The following RYR2 variants were observed in gnomAD, a reference collection of about 807,000 sequenced individuals.
The protein encoded by RYR2 is ryanodine receptor 2.
Under a neutral mutation model 601.1 loss-of-function variants are expected in RYR2, and 227 were observed. The ratio of observed to expected loss-of-function variants is 0.38; its 90% CI spans 0.34 to 0.42. The LOEUF is 0.42. RYR2 is among the 10% of genes least tolerant of loss of function. The pLI, the probability that RYR2 is intolerant of heterozygous loss-of-function variation, is 1.00. For missense variants in RYR2, 4,646 were observed against 6,156.5 expected (o/e 0.75, Z 8.21); for synonymous variants, 2,223 against 2,175.1 (o/e 1.02, Z -0.61).
Position 237,707,133 on chromosome 1 carries a change from G to C in RYR2, c.9765G>C (p.Glu3255Asp), listed in dbSNP as rs1558259322. ...CTCGTTGGTGGGAGCATGGACCTGA[G>C]AACAATCCAGAACGGGCCGAGATGT... ...YMSRWWEHGPENNPERAEMCC... is the reference protein window; with the variant it reads ...YMSRWWEHGPDNNPERAEMCC... Residue 3255 changes from glutamate (E) to aspartate (D), a missense_variant, in exon 68 of 105, where the codon GAG becomes GAC. Physicochemically the swap from Glu to Asp is conservative, Grantham distance 45. This residue lies in a region of RYR2 where 1,497 missense variants were observed against 1,842.6 expected (regional missense o/e 0.81). Coordinates refer to ENST00000366574, the MANE Select transcript of RYR2 (RefSeq NM_001035.3). 15 of 1,613,850 alleles carry C rather than the reference G, an allele frequency of 9.3e-6. No individual in the cohort carries two copies. The highest frequency in any genetic ancestry group is 1.3e-5 in the Non-Finnish European group (15 of 1,179,872).
chr1:237,791,015 C>G (rs1017152211), intron 92 of RYR2, among the ~76,000 whole-genome samples: 4 of 152,136 alleles, frequency 2.6e-5, no homozygotes, highest in Non-Finnish European at 5.9e-5. Flanking sequence ...TGTTGCTCCT[C>G]TCTTTGACAC....
intron 28 of RYR2, among the ~76,000 whole-genome samples, chr1:237,567,597 A>T (rs1672224042): frequency 6.6e-6 from 1 of 152,038 alleles, no homozygotes; most frequent in Admixed American, 6.6e-5. Flanking sequence ...CTCAAAACAA[A>T]CAAAAAAATA....
intron 2 of RYR2, among the ~76,000 whole-genome samples, chr1:237,295,120 A>G (rs895881868): frequency 1.3e-5 from 2 of 152,150 alleles, no homozygotes; most frequent in African/African-American, 2.4e-5. Flanking sequence ...GGAGGCTTAT[A>G]TGAGAGGATC....
At chr1:237,413,810 T>C (rs988554113) in intron 10 of RYR2, among the ~76,000 whole-genome samples, 2 of 152,140 alleles carry the variant, frequency 1.3e-5, no homozygotes, top group Non-Finnish European at 1.5e-5. Flanking sequence ...TCTCTATATG[T>C]CTTCAGGCAA....
intron 11 of RYR2, among the ~76,000 whole-genome samples, chr1:237,418,915 A>C (rs1231205735): frequency 1.3e-5 from 2 of 152,032 alleles, no homozygotes; most frequent in Non-Finnish European, 2.9e-5. Flanking sequence ...TTTATTGGAA[A>C]TGCATATCAT....
At chr1:237,377,034 T>A (rs565113974) in intron 7 of RYR2, among the ~76,000 whole-genome samples, 3 of 152,288 alleles carry the variant, frequency 2.0e-5, no homozygotes, top group African/African-American at 7.2e-5. Context: ...ATCAGATCAG[T>A]GTGAGTGGTG....
At position 237,425,076 on chromosome 1, in the gene RYR2, A is replaced by G. The variant is rs371799324; in HGVS notation, c.1005+1828A>G. ...AGAGTGATAATTGTAACAAAATTAA[A>G]AGTAGTTATTTACAACTACTTAAAA... On this transcript the variant is annotated intron_variant, in intron 12 of 104. Coordinates refer to ENST00000366574, the MANE Select transcript of RYR2 (RefSeq NM_001035.3). Among the ~76,000 whole-genome samples the G allele has an allele frequency of 2.0e-5, 3 of 152,364 alleles. No homozygotes were observed. In the South Asian group the frequency reaches 6.2e-4, roughly 32 times the overall value.
chr1:237,403,792 A>G (rs1703607738), intron 10 of RYR2, among the ~76,000 whole-genome samples: 1 of 152,210 alleles, frequency 6.6e-6, no homozygotes, highest in Non-Finnish European at 1.5e-5. Context: ...GGAAATACCA[A>G]AAAGAGTTTC....
chr1:237,748,150 A>G (rs530320661), intron 80 of RYR2, among the ~76,000 whole-genome samples: 5 of 152,244 alleles, frequency 3.3e-5, no homozygotes, highest in South Asian at 4.2e-4. Flanking sequence ...AGAGTTAGGG[A>G]AATAGAGAAA....
chr1:237,759,997 T>C (rs1199117626), intron 83 of RYR2, 145 bp downstream of exon 83: 2 of 641,760 alleles, frequency 3.1e-6, no homozygotes, highest in Non-Finnish European at 2.8e-6. Context: ...CAGTGTCTTG[T>C]TTTCTATCTT....
chr1:237,795,873 T>TATGTATATGTATATATATATATAC (rs140571706), intron 96 of RYR2, among the ~76,000 whole-genome samples: 1 of 140,910 alleles, frequency 7.1e-6, no homozygotes, highest in Non-Finnish European at 1.5e-5. Flanking sequence ...TATATATATA[T>TATGTATATGTATATATATATATAC]ACACATATAT....
At chr1:237,354,486 G>A (rs1479363181) in intron 3 of RYR2, among the ~76,000 whole-genome samples, 2 of 151,870 alleles carry the variant, frequency 1.3e-5, no homozygotes, top group East Asian at 1.9e-4. Flanking sequence ...CAAAAATATG[G>A]CATATTCTAT....
chr1:237,611,533 T>C (rs1407826101), intron 36 of RYR2, among the ~76,000 whole-genome samples: 1 of 152,114 alleles, frequency 6.6e-6, no homozygotes, highest in Non-Finnish European at 1.5e-5. Flanking sequence ...TACTCAAAGG[T>C]ATTTGAGTAG....
At chr1:237,326,339 C>T (rs768444207) in intron 2 of RYR2, among the ~76,000 whole-genome samples, 4 of 151,912 alleles carry the variant, frequency 2.6e-5, no homozygotes, top group African/African-American at 4.8e-5. Flanking sequence ...TTACCTTTCC[C>T]AAAGTATATA....
chr1:237,784,984 C>CT lies in RYR2; in HGVS notation c.13260+13dup. 1 of 1,542,446 alleles carries CT rather than the reference C, an allele frequency of 6.5e-7. No homozygotes were observed. Among genetic ancestry groups the CT allele is most frequent in the Non-Finnish European group, 8.8e-7 (1 of 1,136,860 alleles). ...AGGAAAAATTTCAGGTAATTTATCT[C>CT]TAAGTCACAGCAGCATTCTCTCTGG... is the stretch of plus-strand genomic sequence containing the variant. On this transcript the variant is annotated intron_variant, in intron 90 of 104. Coordinates refer to ENST00000366574, the MANE Select transcript of RYR2 (RefSeq NM_001035.3). This position sits in a 1 kb window ranked among gnomAD's most constrained non-coding sequence, Gnocchi z 7.1.
intron 100 of RYR2, among the ~76,000 whole-genome samples, chr1:237,810,657 CA>C (rs1661153539): frequency 6.6e-6 from 1 of 152,078 alleles, no homozygotes; most frequent in Non-Finnish European, 1.5e-5. Flanking sequence ...TCTGTATGTT[CA>C]AGAACATTAG....
intron 1 of RYR2, among the ~76,000 whole-genome samples, chr1:237,057,124 C>G (rs138299346): frequency 1.3e-3 from 199 of 152,168 alleles, no homozygotes; most frequent in African/African-American, 4.7e-3. Context: ...AAAAATGGAC[C>G]AGATGATCTG....
intron 1 of RYR2, among the ~76,000 whole-genome samples, chr1:237,127,609 A>T (rs1479225794): frequency 7.3e-6 from 1 of 136,908 alleles, no homozygotes; most frequent in African/African-American, 2.8e-5. Flanking sequence ...CCGGGCGGAG[A>T]CGCTCCTCAC....
intron 63 of RYR2, among the ~76,000 whole-genome samples, chr1:237,697,987 G>T (rs1392562432): frequency 1.3e-5 from 2 of 151,982 alleles, no homozygotes; most frequent in African/African-American, 4.8e-5. Flanking sequence ...ATTAATTTCA[G>T]TGTGTACTTA....
Sources: allele counts gnomAD v4.1 joint callset (sites outside exome capture counted in the v4.1 genomes callset), GRCh38; gene constraint gnomAD v4.1.1; regional missense constraint gnomAD v4.1.1; non-coding constraint Gnocchi (gnomAD v3.1); transcripts MANE v1.5; gene names NCBI Gene and HGNC (gene_info 2026-07-23, HGNC 2026-07-21).